Variants in IQCM observed in about 807,000 individuals in gnomAD.
The protein encoded by IQCM is IQ domain-containing protein M.
A neutral mutation model predicts 57.6 loss-of-function variants in IQCM; 45 were observed. The ratio of observed to expected loss-of-function variants is 0.78; its 90% CI spans 0.62 to 1.00. The LOEUF (loss-of-function observed/expected upper bound fraction) is 1.00. Ranked by LOEUF, IQCM falls within the 50% of genes least tolerant of loss-of-function variation. The pLI is 0.00. For missense variants in IQCM, 468 were observed against 511.6 expected (o/e 0.91, Z 0.82); for synonymous variants, 148 against 158.9 (o/e 0.93, Z 0.51).
intron 13 of IQCM, among the ~76,000 whole-genome samples, chr4:149,408,736 C>CTTTTCT (rs1733159076): frequency 6.6e-6 from 1 of 152,074 alleles, no homozygotes; most frequent in Admixed American, 6.6e-5. Context: ...TCATTTGAGG[C>CTTTTCT]TTTTCTTTTT....
At chr4:149,611,422 A>C (rs1755273943) in intron 8 of IQCM, among the ~76,000 whole-genome samples, 1 of 152,078 alleles carries the variant, frequency 6.6e-6, no homozygotes, top group Non-Finnish European at 1.5e-5. Context: ...TCCAAGATAT[A>C]GTATCAACCT....
rs191233376 is a variant in IQCM at position 149,571,276 on chromosome 4, T to A, written c.750-7386A>T. Among the ~76,000 whole-genome samples, 290 of 152,074 alleles carry A rather than the reference T, an allele frequency of 1.9e-3. 1 individual carries two copies. Among genetic ancestry groups the A allele is most frequent in the African/African-American group, 6.4e-3 (267 of 41,488 alleles). ...TTAACATATGAATGAAAAAAGAAGA[T>A]GCAGTATATATACACAATGGAATAC... On this transcript the variant is annotated intron_variant, in intron 9 of 13. Coordinates refer to ENST00000636793, the MANE Select transcript of IQCM (RefSeq NM_001363507.2).
intron 5 of IQCM, among the ~76,000 whole-genome samples, chr4:149,714,649 T>C (rs1764844687): frequency 6.6e-6 from 1 of 152,108 alleles, no homozygotes; most frequent in Non-Finnish European, 1.5e-5. Flanking sequence ...ATGATAAAAT[T>C]TATTTACACA....
chr4:149,656,991 T>G (rs977721588), intron 7 of IQCM, among the ~76,000 whole-genome samples: 1 of 152,160 alleles, frequency 6.6e-6, no homozygotes, highest in Non-Finnish European at 1.5e-5. Context: ...CCAAATGCTC[T>G]TCAACATTTA....
chr4:149,410,736 TTATC>T (rs1012074346), intron 13 of IQCM, among the ~76,000 whole-genome samples: 3 of 152,016 alleles, frequency 2.0e-5, no homozygotes, highest in Admixed American at 6.6e-5. Context: ...ACTTCTATCT[TTATC>T]TAATGATATC....
intron 5 of IQCM, among the ~76,000 whole-genome samples, chr4:149,692,830 T>C (rs1352190005): frequency 6.6e-6 from 1 of 152,074 alleles, no homozygotes; most frequent in African/African-American, 2.4e-5. Context: ...GAATTTCAGT[T>C]CTGAAATATA....
chr4:149,636,940 G>C (rs1449067039), intron 7 of IQCM, among the ~76,000 whole-genome samples: 2 of 151,234 alleles, frequency 1.3e-5, no homozygotes, highest in African/African-American at 2.4e-5. Context: ...TCAGGAGATC[G>C]AGACCATCCT....
At chr4:149,717,751 A>G (rs1027159500) in intron 5 of IQCM, among the ~76,000 whole-genome samples, 8 of 152,346 alleles carry the variant, frequency 5.3e-5, no homozygotes, top group African/African-American at 1.9e-4. Context: ...GGCTACATAT[A>G]AATTACTGAT....
intron 13 of IQCM, among the ~76,000 whole-genome samples, chr4:149,377,772 T>C (rs1730796013): frequency 6.6e-6 from 1 of 152,166 alleles, no homozygotes; most frequent in African/African-American, 2.4e-5. Context: ...TGCGGGTAGC[T>C]TGAAATCAGC....
chr4:149,700,319 C>G (rs966336049), intron 5 of IQCM, among the ~76,000 whole-genome samples: 8 of 151,984 alleles, frequency 5.3e-5, no homozygotes, highest in African/African-American at 1.7e-4. Flanking sequence ...TAATCCGGCC[C>G]CTTGTAATTG....
intron 12 of IQCM, among the ~76,000 whole-genome samples, chr4:149,533,044 G>C (rs1234456157): frequency 6.6e-6 from 1 of 152,014 alleles, no homozygotes; most frequent in African/African-American, 2.4e-5. Context: ...CTCTTACAAA[G>C]GGAGCCATGA....
intron 12 of IQCM, among the ~76,000 whole-genome samples, chr4:149,448,807 T>C (rs1736778783): frequency 6.6e-6 from 1 of 151,720 alleles, no homozygotes; most frequent in Non-Finnish European, 1.5e-5. Flanking sequence ...GCTGTACATA[T>C]GAAAGAAATT....
chr4:149,551,019 C>T (rs966121707), intron 11 of IQCM, among the ~76,000 whole-genome samples: 4 of 152,214 alleles, frequency 2.6e-5, no homozygotes, highest in African/African-American at 9.6e-5. Flanking sequence ...ACACAAGTTG[C>T]TTCATAGTCC....
intron 12 of IQCM, among the ~76,000 whole-genome samples, chr4:149,468,252 C>T (rs982965911): frequency 1.3e-5 from 2 of 152,148 alleles, no homozygotes; most frequent in African/African-American, 2.4e-5. Flanking sequence ...CCAACAGTAC[C>T]TGGAAAATCA....
At chr4:149,739,253 C>T (rs531173462) in intron 3 of IQCM, among the ~76,000 whole-genome samples, 4 of 152,118 alleles carry the variant, frequency 2.6e-5, no homozygotes, top group East Asian at 1.9e-4. Flanking sequence ...TGCTCATGAA[C>T]CTTATTGTCT....
chr4:149,363,819 A>C (rs1379387409), intron 13 of IQCM, among the ~76,000 whole-genome samples: 2 of 152,218 alleles, frequency 1.3e-5, no homozygotes, highest in Non-Finnish European at 2.9e-5. Flanking sequence ...TGAAGTGAAT[A>C]AATTTCTGGC....
At chr4:149,743,721 C>G (rs76498491) in intron 2 of IQCM, among the ~76,000 whole-genome samples, 17,217 of 152,220 alleles carry the variant, frequency 0.11, 1,196 homozygotes, top group South Asian at 0.18. Context: ...GCATTGCATT[C>G]TAGAGGTGCT....
intron 12 of IQCM, among the ~76,000 whole-genome samples, chr4:149,479,762 G>A (rs1579203741): frequency 1.3e-5 from 2 of 152,306 alleles, no homozygotes; most frequent in South Asian, 2.1e-4. Flanking sequence ...AGCAGGACAA[G>A]GAGGGGTCTC....
intron 12 of IQCM, among the ~76,000 whole-genome samples, chr4:149,542,605 T>C (rs111479666): frequency 1.4e-4 from 21 of 152,206 alleles, no homozygotes; most frequent in African/African-American, 4.8e-4. Flanking sequence ...TAGATCATTA[T>C]GATAATCGAA....
Sources: gnomAD v4.1 joint callset for allele counts (sites outside exome capture counted in the v4.1 genomes callset) on GRCh38, gnomAD v4.1.1 for gene constraint, MANE v1.5 for transcripts, NCBI Gene and HGNC (gene_info 2026-07-23, HGNC 2026-07-21) for gene names.